The following TOM1L2 variants were observed in gnomAD, a reference collection of about 807,000 sequenced individuals.
TOM1L2 encodes target of myb1 like 2 membrane trafficking protein.
Under a neutral mutation model 67.9 loss-of-function variants are expected in TOM1L2, and 31 were observed. That is an observed-to-expected ratio of 0.46 (90% CI 0.34 to 0.62). The LOEUF is 0.62. Ranked by LOEUF, TOM1L2 falls within the 20% of genes least tolerant of loss-of-function variation. The pLI is 0.01. For synonymous variants in TOM1L2, 256 were observed against 254.0 expected (o/e 1.01, Z -0.07); for missense variants, 606 against 663.5 (o/e 0.91, Z 0.95).
intron 2 of TOM1L2, among the ~76,000 whole-genome samples, chr17:17,905,617 C>G (rs1036093578): frequency 2.6e-5 from 4 of 152,218 alleles, no homozygotes; most frequent in African/African-American, 7.2e-5. Flanking sequence ...TGGTTCATCA[C>G]AGCCTCGAAC....
At chr17:17,882,253 C>A (rs371317539) in intron 6 of TOM1L2, among the ~76,000 whole-genome samples, 2 of 152,202 alleles carry the variant, frequency 1.3e-5, no homozygotes, top group African/African-American at 4.8e-5. Context: ...CTCAGCTGCA[C>A]GTCTATGCTT....
intron 1 of TOM1L2, among the ~76,000 whole-genome samples, chr17:17,929,934 GTAC>G (rs1568307336): frequency 6.6e-6 from 1 of 152,198 alleles, no homozygotes; most frequent in African/African-American, 2.4e-5. Context: ...GATGAGTGAG[GTAC>G]TACAGAGAGT....
intron 1 of TOM1L2, among the ~76,000 whole-genome samples, chr17:17,968,663 T>A (rs1344233532): frequency 2.1e-4 from 17 of 81,824 alleles, no homozygotes; most frequent in Admixed American, 6.6e-4. Flanking sequence ...AGACTCCATC[T>A]CAAAAAAAAA....
intron 3 of TOM1L2, among the ~76,000 whole-genome samples, chr17:17,894,376 G>A (rs1033842790): frequency 1.3e-5 from 2 of 152,198 alleles, no homozygotes; most frequent in Admixed American, 1.3e-4. Flanking sequence ...CAGCTGCCAG[G>A]TGACTTTAAT....
At chr17:17,919,047 G>T (rs1461769055) in intron 1 of TOM1L2, among the ~76,000 whole-genome samples, 1 of 152,174 alleles carries the variant, frequency 6.6e-6, no homozygotes, top group Non-Finnish European at 1.5e-5. Flanking sequence ...GGAGAAATGT[G>T]CATTATAATG....
intron 1 of TOM1L2, among the ~76,000 whole-genome samples, chr17:17,958,353 A>G (rs1312242553): frequency 1.3e-5 from 2 of 152,184 alleles, no homozygotes; most frequent in African/African-American, 4.8e-5. Flanking sequence ...GTGCCAGAAA[A>G]AGTAGATAAA....
intron 4 of TOM1L2, among the ~76,000 whole-genome samples, 174 bp downstream of exon 4, chr17:17,893,487 A>C (rs1398094006): frequency 6.6e-6 from 1 of 152,236 alleles, no homozygotes; most frequent in Non-Finnish European, 1.5e-5. Context: ...GCCATCAATT[A>C]GAATTTCATT....
intron 1 of TOM1L2, among the ~76,000 whole-genome samples, chr17:17,955,967 G>A (rs528504740): frequency 3.8e-4 from 58 of 152,296 alleles, no homozygotes; most frequent in Non-Finnish European, 7.5e-4. Context: ...TCCTCCCAAT[G>A]GGTTCGTGGT....
chr17:17,911,643 TTC>T (rs1397104128), intron 1 of TOM1L2, among the ~76,000 whole-genome samples: 16 of 152,254 alleles, frequency 1.1e-4, no homozygotes, highest in South Asian at 2.1e-4. Context: ...TAGCTGGAAA[TTC>T]TTTTTTTTTT....
At chr17:17,895,180 T>C (rs2038502264) in intron 3 of TOM1L2, among the ~76,000 whole-genome samples, 2 of 152,108 alleles carry the variant, frequency 1.3e-5, no homozygotes, top group Admixed American at 6.5e-5. Flanking sequence ...GCTCTGAACT[T>C]CCCAGCACTG....
At chr17:17,944,862 T>G (rs997112289) in intron 1 of TOM1L2, among the ~76,000 whole-genome samples, 1 of 152,174 alleles carries the variant, frequency 6.6e-6, no homozygotes, top group African/African-American at 2.4e-5. Flanking sequence ...GTCTGCCTGA[T>G]GGCAATGGAG....
chr17:17,895,358 A>G (rs942905954), intron 3 of TOM1L2, among the ~76,000 whole-genome samples: 26 of 152,202 alleles, frequency 1.7e-4, no homozygotes, highest in Admixed American at 3.3e-4. Flanking sequence ...CCACTGGTTA[A>G]CTTCTGCAGC....
intron 1 of TOM1L2, among the ~76,000 whole-genome samples, chr17:17,962,960 C>CAA (rs548910167): frequency 5.1e-5 from 5 of 97,462 alleles, no homozygotes; most frequent in Non-Finnish European, 8.4e-5. Flanking sequence ...GACTCCGTCT[C>CAA]AAAAAAAAAA....
At chr17:17,888,719 G>T (rs2038117131) in intron 4 of TOM1L2, among the ~76,000 whole-genome samples, 1 of 152,206 alleles carries the variant, frequency 6.6e-6, no homozygotes, top group Non-Finnish European at 1.5e-5. Flanking sequence ...GCATGGGGAG[G>T]GGGGCTGGAG....
In TOM1L2 at chr17:17,848,675, G is replaced by A. The variant is rs940739317; in HGVS notation, c.1375+148C>T. 3.7e-6 allele frequency: 3 copies of A among 808,808 alleles called. No individual in the cohort carries two copies. The African/African-American group carries it at 5.2e-5, about 14-fold the overall frequency. The allele number at this position is 808,808 out of a possible 1,614,324, so 50.1% of individuals were successfully genotyped here. ...CCAAATCAGCGTAAGACCTGGGTGG[G>A]ACAAAGCCACCCGTGAAGCCCATGG... is the stretch of plus-strand genomic sequence containing the variant. On this transcript the variant is annotated intron_variant, in intron 14 of 14. Transcript: ENST00000379504.
At position 17,898,629 on chromosome 17, in the gene TOM1L2, G is replaced by T; in HGVS notation, c.183C>A (p.Asn61Lys). The change falls in exon 3 of 15, where the codon AAC (asparagine) becomes AAA (lysine). Residue 61 changes from asparagine to lysine, a missense_variant. By Grantham distance (94) the Asn-to-Lys change is moderately conservative. Transcript: ENST00000379504. ...IRALKKRLNG[N>K]RNYREVMLAL... The stretch of plus-strand genomic sequence containing the variant: ...CCAGCATCACCTCTCTGTAGTTCCG[G>T]TTCCCGTTGAGCCGCTTCTTCAGGG... The T allele has an allele frequency of 1.2e-6, 2 of 1,614,198 alleles. No individual in the cohort carries two copies. Among genetic ancestry groups the T allele is most frequent in the Non-Finnish European group, 1.7e-6 (2 of 1,180,042 alleles).
chr17:17,860,246 G>A, intron 12 of TOM1L2, among the ~76,000 whole-genome samples: 1 of 152,240 alleles, frequency 6.6e-6, no homozygotes, highest in Non-Finnish European at 1.5e-5. Flanking sequence ...GCAGGTGGGA[G>A]GACATTCTAA....
At chr17:17,902,059 C>T (rs187694602) in intron 2 of TOM1L2, among the ~76,000 whole-genome samples, 19 of 152,224 alleles carry the variant, frequency 1.2e-4, no homozygotes, top group Admixed American at 7.2e-4. Context: ...ACCTATAATC[C>T]CAGCTACTCA....
chr17:17,857,942 A>C, intron 12 of TOM1L2: 1 of 1,216,110 alleles, frequency 8.2e-7, no homozygotes, highest in East Asian at 2.5e-5. Flanking sequence ...TTCAGACGTG[A>C]TCCTTTGCCA....
Sources: allele counts gnomAD v4.1 joint callset (sites outside exome capture counted in the v4.1 genomes callset), GRCh38; gene constraint gnomAD v4.1.1; transcripts MANE v1.5; gene names NCBI Gene and HGNC (gene_info 2026-07-23, HGNC 2026-07-21).